FANCC: variants seen among roughly 807,000 people sequenced by gnomAD.
FANCC encodes FA complementation group C.
FANCC carries 55 observed loss-of-function variants against 71.3 expected under a neutral mutation model. The ratio of observed to expected loss-of-function variants is 0.77; its 90% CI spans 0.62 to 0.97. FANCC has a LOEUF of 0.97. Ranked by LOEUF, FANCC falls within the 50% of genes least tolerant of loss-of-function variation. The pLI, the probability that FANCC is intolerant of heterozygous loss-of-function variation, is 0.00. For synonymous variants in FANCC, 275 were observed against 244.9 expected (o/e 1.12, Z -1.15); for missense variants, 678 against 670.9 (o/e 1.01, Z -0.12).
At chr9:95,110,356 A>G (rs1411152031) in intron 13 of FANCC, 6 of 1,020,496 alleles carry the variant, frequency 5.9e-6, no homozygotes, top group Non-Finnish European at 7.1e-6. Context: ...GACAGAATAT[A>G]AAAGGGCTTT....
At chr9:95,218,410 A>T (rs1423072806) in intron 4 of FANCC, among the ~76,000 whole-genome samples, 1 of 152,190 alleles carries the variant, frequency 6.6e-6, no homozygotes. Flanking sequence ...GGCTGCAGTG[A>T]GCTATGATTG....
At chr9:95,220,954 G>A (rs934902340) in intron 4 of FANCC, among the ~76,000 whole-genome samples, 9 of 152,076 alleles carry the variant, frequency 5.9e-5, no homozygotes, top group Middle Eastern at 3.4e-3. Flanking sequence ...TGTCTGGGCC[G>A]GGCGTGGTGG....
chr9:95,186,934 G>A (rs566350062), intron 4 of FANCC, among the ~76,000 whole-genome samples: 1 of 152,090 alleles, frequency 6.6e-6, no homozygotes, highest in Admixed American at 6.5e-5. Flanking sequence ...TGGGATTACA[G>A]GCATGCGCCA....
chr9:95,195,933 T>C (rs901852555), intron 4 of FANCC, among the ~76,000 whole-genome samples: 8 of 152,158 alleles, frequency 5.3e-5, no homozygotes, highest in Non-Finnish European at 1.0e-4. Flanking sequence ...GGAGATGGAG[T>C]TGACTGTTGT....
intron 4 of FANCC, among the ~76,000 whole-genome samples, chr9:95,181,383 T>C (rs1365222959): frequency 6.6e-6 from 1 of 152,150 alleles, no homozygotes; most frequent in African/African-American, 2.4e-5. Flanking sequence ...ATTTTTATTT[T>C]ATAGTAAACT....
intron 14 of FANCC, among the ~76,000 whole-genome samples, chr9:95,102,603 A>G (rs1588011674): frequency 6.6e-6 from 1 of 152,188 alleles, no homozygotes; most frequent in Non-Finnish European, 1.5e-5. Flanking sequence ...GCAAATGTTT[A>G]ATTAGCCAGA....
chr9:95,292,637 C>G (rs1458505970), intron 1 of FANCC: 1 of 1,405,924 alleles, frequency 7.1e-7, no homozygotes, highest in Non-Finnish European at 1.0e-6. Flanking sequence ...GCCCCGCGCT[C>G]AACATGCACC....
chr9:95,302,611 C>T (rs1314497135), intron 1 of FANCC, among the ~76,000 whole-genome samples: 5 of 152,234 alleles, frequency 3.3e-5, no homozygotes, highest in Non-Finnish European at 4.4e-5. Flanking sequence ...GCCTGTGAAT[C>T]CTCAGACTCA....
chr9:95,269,559 T>C (rs759737157), intron 1 of FANCC, among the ~76,000 whole-genome samples: 4 of 152,230 alleles, frequency 2.6e-5, no homozygotes, highest in Non-Finnish European at 5.9e-5. Flanking sequence ...TTGCTTCTGC[T>C]GTGCTGTGTA....
chr9:95,260,945 C>G (rs2136167404), intron 1 of FANCC, among the ~76,000 whole-genome samples: 1 of 152,298 alleles, frequency 6.6e-6, no homozygotes, highest in East Asian at 1.9e-4. Context: ...CTTGCTCCCT[C>G]CTTTTCCTTC....
chr9:95,310,387 G>T (rs935197553), intron 1 of FANCC, among the ~76,000 whole-genome samples: 1 of 152,026 alleles, frequency 6.6e-6, no homozygotes, highest in Non-Finnish European at 1.5e-5. Flanking sequence ...AAAAAGGAGG[G>T]GGGGAATTCG....
chr9:95,296,463 T>C (rs554891312), intron 1 of FANCC, among the ~76,000 whole-genome samples: 1 of 152,298 alleles, frequency 6.6e-6, no homozygotes, highest in East Asian at 1.9e-4. Context: ...AAAAAATTTA[T>C]TGATATGTTC....
chr9:95,120,884 C>T (rs1182368069), intron 10 of FANCC, among the ~76,000 whole-genome samples: 1 of 151,808 alleles, frequency 6.6e-6, no homozygotes, highest in Non-Finnish European at 1.5e-5. Context: ...TTTTTTTGTT[C>T]CTTTGGCAGC....
chr9:95,171,124 G>A lies in FANCC; in HGVS notation c.476C>T (p.Ser159Phe), dbSNP rs1588218581. ...LLKNMVLSLA[S>F]ELRENHLNGF... ...ATTAAGATGATTCTCTCTGAGTTCA[G>A]ACGCTAATGATAAAACCATCTGTAA... The change falls in exon 6 of 15, where the codon TCT becomes TTT. Residue 159 changes from serine (S) to phenylalanine (F), a missense_variant. Coordinates refer to ENST00000289081, the MANE Select transcript of FANCC (RefSeq NM_000136.3). 1.4e-5 allele frequency: 23 copies of A among 1,613,296 alleles called. No homozygotes were observed. Among genetic ancestry groups the A allele is most frequent in the Non-Finnish European group, 1.9e-5 (22 of 1,179,566 alleles).
chr9:95,249,554 T>C (rs1407749294), intron 1 of FANCC, among the ~76,000 whole-genome samples, 185 bp from the exon 2 acceptor site: 1 of 152,342 alleles, frequency 6.6e-6, no homozygotes, highest in East Asian at 1.9e-4. Flanking sequence ...CCATCTGAAC[T>C]TTTTATCATG....
At chr9:95,308,386 C>T (rs1018698685) in intron 1 of FANCC, among the ~76,000 whole-genome samples, 4 of 152,006 alleles carry the variant, frequency 2.6e-5, no homozygotes, top group Non-Finnish European at 4.4e-5. Flanking sequence ...CGAGTTCAAG[C>T]GATTCTTGTA....
At chr9:95,224,660 T>A (rs1435650891) in intron 4 of FANCC, among the ~76,000 whole-genome samples, 1 of 152,208 alleles carries the variant, frequency 6.6e-6, no homozygotes, top group East Asian at 1.9e-4. Context: ...TCTGTTTCTA[T>A]AAACTTGACT....
chr9:95,315,947 C>T (rs934734707), intron 1 of FANCC, among the ~76,000 whole-genome samples: 1 of 152,232 alleles, frequency 6.6e-6, no homozygotes, highest in Non-Finnish European at 1.5e-5. Context: ...GTTGCACATA[C>T]ATGCAGCAAC....
chr9:95,228,653 G>A (rs1458781494), intron 4 of FANCC, among the ~76,000 whole-genome samples: 1 of 152,218 alleles, frequency 6.6e-6, no homozygotes, highest in African/African-American at 2.4e-5. Context: ...TGAGCACTAA[G>A]ACCGCGTGCA....
Sources: gnomAD v4.1 joint callset for allele counts (sites outside exome capture counted in the v4.1 genomes callset) on GRCh38, gnomAD v4.1.1 for gene constraint, MANE v1.5 for transcripts, NCBI Gene and HGNC (gene_info 2026-07-23, HGNC 2026-07-21) for gene names.